LAMB4: variants seen among roughly 807,000 people sequenced by gnomAD.
The protein encoded by LAMB4 is laminin subunit beta 4, also known as laminin subunit beta-4.
A neutral mutation model predicts 199.2 loss-of-function variants in LAMB4; 196 were observed. The ratio of observed to expected loss-of-function variants is 0.98; its 90% CI spans 0.88 to 1.11. The LOEUF (loss-of-function observed/expected upper bound fraction) is 1.11, where lower values mean the gene tolerates loss of function less well. Among genes scored for constraint, LAMB4 ranks in the 50% least tolerant of loss-of-function variants. The pLI, the probability that LAMB4 is intolerant of heterozygous loss-of-function variation, is 0.00. For synonymous variants in LAMB4, 744 were observed against 770.6 expected (o/e 0.97, Z 0.57); for missense variants, 2,080 against 2,171.2 (o/e 0.96, Z 0.83).
chr7:108,028,681 T>C (rs2034924068), intron 33 of LAMB4, among the ~76,000 whole-genome samples: 1 of 152,040 alleles, frequency 6.6e-6, no homozygotes, highest in African/African-American at 2.4e-5. Flanking sequence ...TTCTCCATGT[T>C]GGCCAGAGTG....
chr7:108,107,389 T>C (rs1188652423), intron 6 of LAMB4, among the ~76,000 whole-genome samples: 1 of 152,208 alleles, frequency 6.6e-6, no homozygotes, highest in Non-Finnish European at 1.5e-5. Flanking sequence ...CCTGGGGCCA[T>C]GGTGCCCCGT....
Position 108,082,294 on chromosome 7 carries a change from C to T in LAMB4, c.1702-2508G>A, listed in dbSNP as rs375442652. Among the ~76,000 whole-genome samples, 17 of 146,340 alleles carry T rather than the reference C, an allele frequency of 1.2e-4. No homozygotes were observed. In the East Asian group the frequency reaches 2.8e-3, roughly 24 times the overall value. On this transcript the variant is annotated intron_variant, in intron 14 of 33. Transcript: ENST00000388781. ...GCAGTGAGCCAAAATAGCACCACTG[C>T]ACTCCAGCCTGGGCGAAAGAGCGAG... is the stretch of plus-strand genomic sequence containing the variant.
chr7:108,085,971 G>T (rs2037159865), intron 14 of LAMB4, among the ~76,000 whole-genome samples: 1 of 152,232 alleles, frequency 6.6e-6, no homozygotes, highest in South Asian at 2.1e-4. Flanking sequence ...ATGAGTAGGT[G>T]TTGTAGGTGC....
At chr7:108,050,184 C>T (rs972062749) in intron 26 of LAMB4, among the ~76,000 whole-genome samples, 5 of 152,174 alleles carry the variant, frequency 3.3e-5, no homozygotes, top group Non-Finnish European at 5.9e-5. Context: ...AGGATTCACC[C>T]TGATGCTGCG....
chr7:108,024,122 G>T lies in LAMB4; in HGVS notation c.5203C>A (p.Leu1735Met). The change falls in exon 34 of 34, where the codon CTG becomes ATG. Residue 1735 changes from leucine (L) to methionine (M), a missense_variant. By Grantham distance (15) the Leu-to-Met change is conservative (BLOSUM62 2). Transcript: ENST00000388781. The part of the protein sequence containing the change: ...NLSRQAKADQ[L>M]RILEDQVVAI... Reference sequence around the variant, plus strand: ...ACAACTTGATCTTCCAATATTCTCAGTTGATCAGCTTTTGCTTGTCTACTT... The same window carrying T: ...ACAACTTGATCTTCCAATATTCTCATTTGATCAGCTTTTGCTTGTCTACTT... The T allele has an allele frequency of 6.2e-7, 1 of 1,601,264 alleles. No individual in the cohort carries two copies. The highest frequency in any genetic ancestry group is 8.5e-7 in the Non-Finnish European group (1 of 1,171,680).
chr7:108,029,221 T>C (rs1438030188), intron 32 of LAMB4, 25 bp from the exon 33 acceptor site: 1 of 1,600,910 alleles, frequency 6.2e-7, no homozygotes, highest in Non-Finnish European at 8.5e-7. Context: ...ACTTGCATCA[T>C]GAGAAAATAT....
chr7:108,054,352 C>T (rs568719696), intron 25 of LAMB4, among the ~76,000 whole-genome samples: 20 of 152,280 alleles, frequency 1.3e-4, no homozygotes, highest in African/African-American at 4.8e-4. Flanking sequence ...TGGCCCTTTC[C>T]CTGAACTACC....
chr7:108,129,216 C>T (rs780889396), intron 1 of LAMB4, among the ~76,000 whole-genome samples: 8 of 152,202 alleles, frequency 5.3e-5, no homozygotes, highest in Non-Finnish European at 1.0e-4. Flanking sequence ...CTCCTAGAAC[C>T]ACAGGTGCAT....
In LAMB4 at chr7:108,068,056, G is replaced by T. The variant is rs746698101; in HGVS notation, c.2406C>A (p.Cys802Ter). Residue 802 changes from cysteine to a stop codon, truncating the protein, a stop_gained, in exon 19 of 34, where the codon TGC becomes TGA. Coordinates refer to ENST00000388781, the MANE Select transcript of LAMB4 (RefSeq NM_007356.3). LOFTEE classifies it high-confidence loss of function. ...GCCCCAAATCATAGCTTCCAGTTGA[G>T]CACCTGTCACAGCAGCGCCCGACCA... ...PLVVGRCCDR[C>*]STGSYDLGHH... 6.2e-7 allele frequency: 1 copy of T among 1,614,136 alleles called. No individual in the cohort carries two copies. Among genetic ancestry groups the T allele is most frequent in the Non-Finnish European group, 8.5e-7 (1 of 1,180,018 alleles).
At chr7:108,062,346 C>G (rs556436252) in intron 23 of LAMB4, 2 of 152,560 alleles carry the variant, frequency 1.3e-5, no homozygotes, top group African/African-American at 2.4e-5. Flanking sequence ...ATATGTAAAG[C>G]AATTGGTGAG....
Position 108,030,881 on chromosome 7 carries a change from T to C in LAMB4, c.4917A>G (p.Gln1639=). 1 of 1,614,166 alleles carries C rather than the reference T, an allele frequency of 6.2e-7. No homozygotes were observed. The highest frequency in any genetic ancestry group is 8.5e-7 in the Non-Finnish European group (1 of 1,179,998). Residue 1639 remains glutamine (Q), a synonymous_variant, in exon 32 of 34, where the codon CAA becomes CAG. Coordinates refer to ENST00000388781, the MANE Select transcript of LAMB4 (RefSeq NM_007356.3). Reference sequence around the variant, plus strand: ...CATTGACAGCGTGGTCTTGATGCCTTTGCAACTTGGTCTGCAGCAGGGAAA... The same window carrying C: ...CATTGACAGCGTGGTCTTGATGCCTCTGCAACTTGGTCTGCAGCAGGGAAA... ...DGLSLLQTKL[Q]RHQDHAVNAK...
chr7:108,109,435 T>G (rs366690), intron 4 of LAMB4, among the ~76,000 whole-genome samples, 191 bp from the exon 5 acceptor site: 57,555 of 152,000 alleles, frequency 0.38, 11,361 homozygotes, highest in Non-Finnish European at 0.42. Flanking sequence ...GCAAGATAGG[T>G]TTCACCCTGA....
chr7:108,034,365 A>G lies in LAMB4; in HGVS notation c.4680-19T>C, dbSNP rs1219928713. 3.2e-6 allele frequency: 5 copies of G among 1,557,910 alleles called. No individual in the cohort carries two copies. In the Middle Eastern group the frequency reaches 6.7e-4, roughly 209 times the overall value. ...TGCTTTCCTAAGGTAAGATATTAAC[A>G]TATCAGATTAGATAAATACACAATT... On this transcript the variant is annotated intron_variant, in intron 30 of 33. Transcript: ENST00000388781.
At chr7:108,065,728 G>C in intron 21 of LAMB4, 34 bp downstream of exon 21, 1 of 1,580,576 alleles carries the variant, frequency 6.3e-7, no homozygotes, top group Non-Finnish European at 8.7e-7. Flanking sequence ...GTGGGATAAA[G>C]AGAAAAAATT....
At chr7:108,089,267 A>G (rs566885108) in intron 14 of LAMB4, among the ~76,000 whole-genome samples, 2 of 152,296 alleles carry the variant, frequency 1.3e-5, no homozygotes, top group South Asian at 4.1e-4. Context: ...CCAGCATGAC[A>G]GAAGGCTTCA....
chr7:108,070,465 G>A (rs766614841), intron 17 of LAMB4, among the ~76,000 whole-genome samples: 18 of 152,174 alleles, frequency 1.2e-4, no homozygotes, highest in East Asian at 1.2e-3. Flanking sequence ...ATTTTCTTCC[G>A]CCTGCACTAC....
chr7:108,088,285 C>T (rs1051272727), intron 14 of LAMB4, among the ~76,000 whole-genome samples: 8 of 152,122 alleles, frequency 5.3e-5, no homozygotes, highest in Admixed American at 5.2e-4. Flanking sequence ...GTCTCAGCCT[C>T]CCAAGTAGCT....
intron 30 of LAMB4, 26 bp from the exon 31 acceptor site, chr7:108,034,372 A>G (rs1311558603): frequency 5.2e-6 from 8 of 1,533,262 alleles, no homozygotes; most frequent in South Asian, 1.1e-5. Flanking sequence ...AACATATCAG[A>G]TTAGATAAAT....
intron 29 of LAMB4, among the ~76,000 whole-genome samples, 170 bp from the exon 30 acceptor site, chr7:108,037,765 G>C (rs1382161478): frequency 1.3e-5 from 2 of 152,160 alleles, no homozygotes; most frequent in African/African-American, 4.8e-5. Context: ...ATCCTCAGCT[G>C]TCCCTTCTCT....
Sources: gnomAD v4.1 joint callset for allele counts (sites outside exome capture counted in the v4.1 genomes callset) on GRCh38, gnomAD v4.1.1 for gene constraint, MANE v1.5 for transcripts, NCBI Gene and HGNC (gene_info 2026-07-23, HGNC 2026-07-21) for gene names.